PTPN13: variants seen among roughly 807,000 people sequenced by gnomAD.
The protein encoded by PTPN13 is protein tyrosine phosphatase non-receptor type 13, also known as tyrosine-protein phosphatase non-receptor type 13.
In PTPN13, 191 loss-of-function variants were observed where a neutral mutation model predicts 284.0. The ratio of observed to expected loss-of-function variants is 0.67; its 90% CI spans 0.60 to 0.76. PTPN13 has a LOEUF of 0.76. PTPN13 is among the 30% of genes least tolerant of loss of function. The pLI is 0.00. For synonymous variants in PTPN13, 986 were observed against 1,022.3 expected (o/e 0.96, Z 0.68); for missense variants, 2,797 against 2,939.9 (o/e 0.95, Z 1.12).
chr4:86,774,343 C>T (rs1260363408), intron 32 of PTPN13, 30 bp from the exon 33 acceptor site: 4 of 1,578,332 alleles, frequency 2.5e-6, no homozygotes, highest in South Asian at 1.2e-5. Context: ...GAATAGACAA[C>T]CTAAAAGTAT....
intron 6 of PTPN13, among the ~76,000 whole-genome samples, chr4:86,697,003 C>T (rs1730657435): frequency 6.6e-6 from 1 of 151,812 alleles, no homozygotes; most frequent in Non-Finnish European, 1.5e-5. Context: ...AGGACAGAAC[C>T]AATATAAATA....
At chr4:86,722,729 G>T (rs1357181661) in intron 10 of PTPN13, among the ~76,000 whole-genome samples, 1 of 152,036 alleles carries the variant, frequency 6.6e-6, no homozygotes, top group South Asian at 2.1e-4. Context: ...CTTCATTATT[G>T]TGGGGGATTA....
intron 6 of PTPN13, among the ~76,000 whole-genome samples, chr4:86,700,587 CT>C (rs1731051904): frequency 6.6e-6 from 1 of 151,990 alleles, no homozygotes; most frequent in African/African-American, 2.4e-5. Flanking sequence ...GAGGAAAAAA[CT>C]TTTTTAGTGC....
At position 86,782,246 on chromosome 4, in the gene PTPN13, A is replaced by T. The variant is rs1741405633; in HGVS notation, c.6008A>T (p.Asn2003Ile). The change falls in exon 37 of 48, where the codon AAT (asparagine) becomes ATT (isoleucine). Residue 2003 changes from asparagine (N) to isoleucine (I), a missense_variant. Coordinates refer to ENST00000411767, the MANE Select transcript of PTPN13 (RefSeq NM_080683.3). Reference sequence around the variant, plus strand: ...TGCAGCCAGCCTGCCCTCACTCCTAATGATTCATTCTCCACGGTAAGAAAA... The same window carrying T: ...TGCAGCCAGCCTGCCCTCACTCCTATTGATTCATTCTCCACGGTAAGAAAA... ...GSCSQPALTPNDSFSTVAGEE... is the reference protein window; with the variant it reads ...GSCSQPALTPIDSFSTVAGEE... 6.2e-7 allele frequency: 1 copy of T among 1,607,272 alleles called. No homozygotes were observed.
chr4:86,773,036 GA>G, intron 32 of PTPN13, 78 bp downstream of exon 32: 1 of 1,100,696 alleles, frequency 9.1e-7, no homozygotes. Flanking sequence ...TCCCTTTAGG[GA>G]AAAAGCTATC....
rs1258773843 is a variant in PTPN13, at chr4:86,790,096, G to A, written c.6345+4160G>A. ...CATACTATATTCTTAGACCAGGATT[G>A]TAATGGGGAATAAGAAATCCAAATG... is the stretch of plus-strand genomic sequence containing the variant. On this transcript the variant is annotated intron_variant, in intron 40 of 47. Transcript: ENST00000411767. 2.6e-5 allele frequency among the ~76,000 whole-genome samples: 4 copies of A among 152,192 alleles called. No individual in the cohort carries two copies. In the East Asian group the frequency reaches 7.7e-4, roughly 29 times the overall value.
chr4:86,723,395 C>T (rs146981042), intron 10 of PTPN13, among the ~76,000 whole-genome samples: 11 of 152,260 alleles, frequency 7.2e-5, no homozygotes, highest in Admixed American at 1.3e-4. Flanking sequence ...TTGTGAACTG[C>T]GTTGCATGTT....
Position 86,693,661 on chromosome 4 carries a change from A to G in PTPN13, c.621A>G (p.Lys207=). Residue 207 remains lysine, a synonymous_variant, in exon 6 of 48, where the codon AAA becomes AAG. Transcript: ENST00000411767. ...SQAIRDRLRG[K]GLPTGRSSTS... ...CTATTCGAGATCGATTGCGAGGAAA[A>G]GGATTACCAACAGGTAAGAGTATAT... The G allele has an allele frequency of 1.3e-6, 2 of 1,551,152 alleles. No individual in the cohort carries two copies. The highest frequency in any genetic ancestry group is 1.7e-6 in the Non-Finnish European group (2 of 1,144,754).
chr4:86,734,901 C>A, intron 14 of PTPN13, 26 bp downstream of exon 14: 1 of 1,598,274 alleles, frequency 6.3e-7, no homozygotes, highest in Non-Finnish European at 8.6e-7. Flanking sequence ...TTTTCCAGGA[C>A]CATTTTTGTT....
At chr4:86,702,897 A>G (rs1213992499) in intron 7 of PTPN13, among the ~76,000 whole-genome samples, 1 of 152,084 alleles carries the variant, frequency 6.6e-6, no homozygotes, top group East Asian at 1.9e-4. Flanking sequence ...GATCATATTT[A>G]TTTTTAAGAT....
intron 20 of PTPN13, among the ~76,000 whole-genome samples, chr4:86,756,262 C>T (rs1430806989): frequency 6.6e-6 from 1 of 151,862 alleles, no homozygotes; most frequent in South Asian, 2.1e-4. Context: ...TGTGACCTCA[C>T]CCCCTTATTT....
chr4:86,644,819 C>A (rs1724223665), intron 2 of PTPN13, among the ~76,000 whole-genome samples: 1 of 152,078 alleles, frequency 6.6e-6, no homozygotes, highest in Non-Finnish European at 1.5e-5. Flanking sequence ...ATATAATTGA[C>A]CATAGTAATG....
intron 41 of PTPN13, among the ~76,000 whole-genome samples, chr4:86,798,687 A>G (rs1454987174): frequency 2.0e-5 from 3 of 152,196 alleles, no homozygotes; most frequent in Non-Finnish European, 4.4e-5. Flanking sequence ...GTTGTAGCAA[A>G]AGGCTATACC....
chr4:86,793,113 C>G (rs1742877745), intron 40 of PTPN13, among the ~76,000 whole-genome samples: 1 of 149,808 alleles, frequency 6.7e-6, no homozygotes, highest in Non-Finnish European at 1.5e-5. Flanking sequence ...TCAGGAGACC[C>G]ATCTCATGTG....
chr4:86,800,675 AAGAG>A (rs1315172622), intron 42 of PTPN13, among the ~76,000 whole-genome samples: 2 of 137,164 alleles, frequency 1.5e-5, no homozygotes, highest in Non-Finnish European at 3.3e-5. Context: ...GAGAGAGAGA[AAGAG>A]AGAGAAGGAG....
chr4:86,756,096 C>T (rs189501273), intron 20 of PTPN13, among the ~76,000 whole-genome samples: 45 of 151,742 alleles, frequency 3.0e-4, no homozygotes, highest in African/African-American at 8.2e-4. Context: ...AATTCCTGAA[C>T]GGTGGGTTAT....
chr4:86,750,019 C>T (rs1434282769), intron 17 of PTPN13, among the ~76,000 whole-genome samples: 1 of 152,180 alleles, frequency 6.6e-6, no homozygotes, highest in Non-Finnish European at 1.5e-5. Flanking sequence ...CTCTGCATAG[C>T]TTTTTCAGGT....
chr4:86,723,616 C>T (rs567551867), intron 10 of PTPN13, among the ~76,000 whole-genome samples: 5 of 152,260 alleles, frequency 3.3e-5, no homozygotes, highest in Admixed American at 6.5e-5. Context: ...AGGCAGACAC[C>T]GTTTAAGACA....
At chr4:86,638,481 A>G (rs1723332053) in intron 2 of PTPN13, among the ~76,000 whole-genome samples, 1 of 152,178 alleles carries the variant, frequency 6.6e-6, no homozygotes, top group Non-Finnish European at 1.5e-5. Context: ...CACAACAGAG[A>G]TATAGATGAA....
Sources: allele counts gnomAD v4.1 joint callset (sites outside exome capture counted in the v4.1 genomes callset), GRCh38; gene constraint gnomAD v4.1.1; transcripts MANE v1.5; gene names NCBI Gene and HGNC (gene_info 2026-07-23, HGNC 2026-07-21).